PSMC2: variants seen among roughly 807,000 people sequenced by gnomAD.
PSMC2 encodes the protein proteasome 26S subunit, ATPase 2, also known as 26S proteasome regulatory subunit 7.
In PSMC2, 7 loss-of-function variants were observed where a neutral mutation model predicts 53.3. The ratio of observed to expected loss-of-function variants is 0.13; its 90% CI spans 0.07 to 0.25. The LOEUF (loss-of-function observed/expected upper bound fraction) is 0.25, where lower values mean the gene tolerates loss of function less well. Ranked by LOEUF, PSMC2 falls within the 10% of genes least tolerant of loss-of-function variation. The pLI, the probability that PSMC2 is intolerant of heterozygous loss-of-function variation, is 1.00. For missense variants in PSMC2, 241 were observed against 544.0 expected (o/e 0.44, Z 5.54); for synonymous variants, 169 against 183.9 (o/e 0.92, Z 0.66).
At chr7:103,357,375 G>A (rs1411323685) in intron 4 of PSMC2, among the ~76,000 whole-genome samples, 1 of 151,130 alleles carries the variant, frequency 6.6e-6, no homozygotes, top group Non-Finnish European at 1.5e-5. Flanking sequence ...AATAACAACT[G>A]TATTTCCCAA....
intron 4 of PSMC2, among the ~76,000 whole-genome samples, chr7:103,357,344 A>G (rs1316463499): frequency 1.3e-5 from 2 of 150,826 alleles, no homozygotes; most frequent in African/African-American, 2.4e-5. Flanking sequence ...AAAAAAAAAG[A>G]AAAGAGTTAA....
At chr7:103,350,696 T>C (rs1819709877) in intron 1 of PSMC2, among the ~76,000 whole-genome samples, 1 of 151,878 alleles carries the variant, frequency 6.6e-6, no homozygotes, top group African/African-American at 2.4e-5. Context: ...CAGGGTCTTG[T>C]TATGTTGCCT....
In PSMC2 at chr7:103,347,703, G is replaced by A; in HGVS notation, c.-9G>A. 2 of 1,613,912 alleles carry A rather than the reference G, an allele frequency of 1.2e-6. No homozygotes were observed. The highest frequency in any genetic ancestry group is 1.3e-5 in the African/African-American group (1 of 75,024). On this transcript the variant is annotated 5_prime_UTR_variant, in exon 1 of 12. Transcript: ENST00000292644. ...TCATTAAGGAGCGGAGGCTTTTGGA[G>A]CTGCTAAAATGCCGGATTACCTCGG... is the stretch of plus-strand genomic sequence containing the variant.
At chr7:103,347,627 T>G, upstream of PSMC2, 6 of 1,496,356 alleles carry the variant, frequency 4.0e-6, no homozygotes, top group Non-Finnish European at 5.6e-6. Context: ...TTACTTCCGG[T>G]GGGGAAGGGA....
intron 5 of PSMC2, chr7:103,362,334 C>G: frequency 7.3e-7 from 1 of 1,364,466 alleles, no homozygotes. Flanking sequence ...GTTGAGGTTA[C>G]CAGTCCATTT....
intron 4 of PSMC2, among the ~76,000 whole-genome samples, chr7:103,360,273 C>G (rs1240133273): frequency 6.6e-6 from 1 of 152,104 alleles, no homozygotes; most frequent in Admixed American, 6.5e-5. Flanking sequence ...TGTGTCACCT[C>G]TGGAAATCAA....
chr7:103,359,170 T>TTTA (rs71110833), intron 4 of PSMC2, among the ~76,000 whole-genome samples: 9 of 129,946 alleles, frequency 6.9e-5, no homozygotes, highest in East Asian at 6.7e-4. Context: ...TTTTTTTTTT[T>TTTA]AATTTTTAGT....
intron 1 of PSMC2, among the ~76,000 whole-genome samples, chr7:103,349,203 G>C (rs138834505): frequency 3.8e-4 from 58 of 152,188 alleles, no homozygotes; most frequent in African/African-American, 1.3e-3. Flanking sequence ...TCCCCCAAAA[G>C]AAAGCATTTC....
At chr7:103,361,510 CAAAA>C (rs759044767) in intron 4 of PSMC2, among the ~76,000 whole-genome samples, 2 of 51,102 alleles carry the variant, frequency 3.9e-5, no homozygotes, top group African/African-American at 6.5e-5. Flanking sequence ...AACTCCATCT[CAAAA>C]AAAAAAAAAA....
chr7:103,363,580 T>C, intron 7 of PSMC2, 141 bp downstream of exon 7: 1 of 720,136 alleles, frequency 1.4e-6, no homozygotes, highest in Non-Finnish European at 2.3e-6. Context: ...AGAGGAGGTG[T>C]GGAGAGTTGG....
chr7:103,349,049 G>A (rs934447162), intron 1 of PSMC2, among the ~76,000 whole-genome samples: 3 of 152,122 alleles, frequency 2.0e-5, no homozygotes, highest in South Asian at 4.1e-4. Context: ...CAGTAGTCCC[G>A]TTTGTAGTCT....
At chr7:103,348,823 G>C (rs994719976) in intron 1 of PSMC2, 1 of 693,370 alleles carries the variant, frequency 1.4e-6, no homozygotes, top group African/African-American at 1.8e-5. Flanking sequence ...GGAAAACCAT[G>C]ATAGTTCTTT....
At position 103,347,671 on chromosome 7, in the gene PSMC2, T is replaced by C. The variant is rs1340516826; in HGVS notation, c.-41T>C. On this transcript the variant is annotated 5_prime_UTR_variant, in exon 1 of 12. Coordinates refer to ENST00000292644, the MANE Select transcript of PSMC2 (RefSeq NM_002803.4). ...ACACCACCGGAAGCAAGGAAGGTGCTGTGTAATCATTAAGGAGCGGAGGCT... is the reference window on the plus strand; with the variant it reads ...ACACCACCGGAAGCAAGGAAGGTGCCGTGTAATCATTAAGGAGCGGAGGCT... The C allele has an allele frequency of 1.2e-6, 2 of 1,611,162 alleles. No individual in the cohort carries two copies. The highest frequency in any genetic ancestry group is 2.7e-5 in the African/African-American group (2 of 74,822).
intron 4 of PSMC2, among the ~76,000 whole-genome samples, chr7:103,360,223 A>G (rs1278204726): frequency 6.6e-6 from 1 of 152,092 alleles, no homozygotes; most frequent in Non-Finnish European, 1.5e-5. Flanking sequence ...TTTGCATCTC[A>G]TAACTTTTTG....
intron 6 of PSMC2, among the ~76,000 whole-genome samples, 196 bp downstream of exon 6, chr7:103,362,954 C>T (rs1820500561): frequency 6.6e-6 from 1 of 152,006 alleles, no homozygotes; most frequent in Non-Finnish European, 1.5e-5. Context: ...CCACCACGCC[C>T]AGCTAATTTT....
intron 6 of PSMC2, among the ~76,000 whole-genome samples, chr7:103,363,117 A>C (rs997702608): frequency 2.6e-5 from 4 of 152,066 alleles, no homozygotes; most frequent in Non-Finnish European, 5.9e-5. Context: ...ATATTTTTTG[A>C]GACAGAGTCT....
intron 5 of PSMC2, chr7:103,362,346 A>C: frequency 7.4e-7 from 1 of 1,359,602 alleles, no homozygotes; most frequent in Non-Finnish European, 9.4e-7. Context: ...AGTCCATTTA[A>C]GGTAACATGG....
In PSMC2 at chr7:103,359,959, T is replaced by G. The variant is rs145567269; in HGVS notation, c.291-1998T>G. Reference sequence around the variant, plus strand: ...AGCTGGGCGTGGTGGCAGGCGCCTGTAATCCCAGACACTTAGGAGGCTGAC... The same window carrying G: ...AGCTGGGCGTGGTGGCAGGCGCCTGGAATCCCAGACACTTAGGAGGCTGAC... On this transcript the variant is annotated intron_variant, in intron 4 of 11. Coordinates refer to ENST00000292644, the MANE Select transcript of PSMC2 (RefSeq NM_002803.4). 7.1e-3 allele frequency among the ~76,000 whole-genome samples: 1,086 copies of G among 151,976 alleles called. 22 individuals are homozygous for G. Among genetic ancestry groups the G allele is most frequent in the East Asian group, 0.062 (320 of 5,158 alleles).
chr7:103,349,650 A>G (rs552347349), intron 1 of PSMC2, among the ~76,000 whole-genome samples: 12 of 152,166 alleles, frequency 7.9e-5, no homozygotes, highest in African/African-American at 2.4e-4. Context: ...GGGTTTCACA[A>G]TGTTGGCCAG....
Sources: gnomAD v4.1 joint callset for allele counts (sites outside exome capture counted in the v4.1 genomes callset) on GRCh38, gnomAD v4.1.1 for gene constraint, MANE v1.5 for transcripts, NCBI Gene and HGNC (gene_info 2026-07-23, HGNC 2026-07-21) for gene names.